Variants in LTBR observed in about 807,000 individuals in gnomAD.
LTBR encodes lymphotoxin beta receptor.
Under a neutral mutation model 45.4 loss-of-function variants are expected in LTBR, and 15 were observed. The observed-to-expected ratio is 0.33, with a 90% CI of 0.22 to 0.51. LTBR has a LOEUF of 0.51. Among genes scored for constraint, LTBR ranks in the 20% least tolerant of loss-of-function variants. The pLI is 0.97. For missense variants in LTBR, 450 were observed against 565.5 expected (o/e 0.80, Z 2.07); for synonymous variants, 228 against 231.0 (o/e 0.99, Z 0.12).
rs563848590 is a variant in LTBR at position 6,385,167 on chromosome 12, CGG to C, written c.319+26_319+27del. On this transcript the variant is annotated intron_variant, in intron 3 of 9. Transcript: ENST00000228918. ...ACCCAGGTGAGTGGGGATGTGCCTG[CGG>C]GGGGGCTGGATCCCCTGGAGCTTGG... The C allele has an allele frequency of 1.1e-4, 172 of 1,613,866 alleles. 1 individual carries two copies. In the East Asian group the frequency reaches 3.4e-3, roughly 32 times the overall value.
chr12:6,379,532 C>G (rs1475901655), upstream of LTBR, among the ~76,000 whole-genome samples: 1 of 152,214 alleles, frequency 6.6e-6, no homozygotes, highest in Non-Finnish European at 1.5e-5. Context: ...GACAACAGTC[C>G]TTTCAGCTGC....
Position 6,385,568 on chromosome 12 carries a change from G to T in LTBR, c.472+189G>T, listed in dbSNP as rs1048258694. 8.5e-6 allele frequency: 6 copies of T among 703,140 alleles called. No homozygotes were observed. The Admixed American group carries it at 1.8e-4, about 21-fold the overall frequency. The allele number at this position is 703,140 out of a possible 1,614,324, so 43.6% of individuals were successfully genotyped here. On this transcript the variant is annotated intron_variant, in intron 4 of 9. Coordinates refer to ENST00000228918, the MANE Select transcript of LTBR (RefSeq NM_002342.3). Reference sequence around the variant, plus strand: ...ACATGGAACTGGGACAGGTGCAGGGGACACAGGAGGTGGTTCTTCTCAGTA... The same window carrying T: ...ACATGGAACTGGGACAGGTGCAGGGTACACAGGAGGTGGTTCTTCTCAGTA...
chr12:6,386,746 G>T lies in LTBR; in HGVS notation c.667+302G>T, dbSNP rs767529549. ...TGGGCTTACCAACATTACACAATCC[G>T]TTTTTTTTTTTCACACAATCCATTA... On this transcript the variant is annotated intron_variant, in intron 6 of 9. Transcript: ENST00000228918. The surrounding 1 kb of genome is among the most constrained non-coding windows in gnomAD (Gnocchi z 4.1). 13 of 237,550 alleles carry T rather than the reference G, an allele frequency of 5.5e-5. No homozygotes were observed. Among genetic ancestry groups the T allele is most frequent in the South Asian group, 9.2e-5 (1 of 10,834 alleles). 14.7% of individuals were successfully genotyped at this position (237,550 alleles called of 1,614,324 possible).
chr12:6,380,314 C>G (rs1446768300), upstream of LTBR, among the ~76,000 whole-genome samples: 1 of 152,176 alleles, frequency 6.6e-6, no homozygotes, highest in Non-Finnish European at 1.5e-5. Context: ...GGGTGTTTGC[C>G]AGACCATTTC....
At chr12:6,382,993 C>A (rs1420258199), upstream of LTBR, among the ~76,000 whole-genome samples, 1 of 152,180 alleles carries the variant, frequency 6.6e-6, no homozygotes, top group African/African-American at 2.4e-5. Flanking sequence ...TCATTTATTC[C>A]ATAAATACCT....
At chr12:6,378,944 G>A (rs965275782) in intron 1 of LTBR, among the ~76,000 whole-genome samples, 1 of 152,054 alleles carries the variant, frequency 6.6e-6, no homozygotes, top group Non-Finnish European at 1.5e-5. Context: ...TGCAGGGAGA[G>A]AAGTGAAACC....
At chr12:6,390,076 C>G (rs1949093623) in intron 8 of LTBR, 36 bp from the exon 9 acceptor site, 2 of 1,410,132 alleles carry the variant, frequency 1.4e-6, no homozygotes, top group Admixed American at 1.7e-5. Context: ...GTCTGGGGCC[C>G]TCATCATTGT....
At chr12:6,375,940 G>A (rs1948900527) in intron 1 of LTBR, 4 of 1,084,468 alleles carry the variant, frequency 3.7e-6, no homozygotes, top group Non-Finnish European at 4.5e-6. Flanking sequence ...AGGGATGGAG[G>A]AGGGGCACTG....
intron 9 of LTBR, 32 bp from the exon 10 acceptor site, chr12:6,390,628 C>G: frequency 6.7e-7 from 1 of 1,497,144 alleles, no homozygotes; most frequent in African/African-American, 1.4e-5. Flanking sequence ...TGGGGGCCTT[C>G]CTTCCTCAAC....
At chr12:6,383,070 G>T (rs138953151), upstream of LTBR, among the ~76,000 whole-genome samples, 1 of 152,278 alleles carries the variant, frequency 6.6e-6, no homozygotes, top group Non-Finnish European at 1.5e-5. Flanking sequence ...ATTCAGCCTG[G>T]GCCATGGTGG....
At chr12:6,385,645 G>A (rs1192962524) in intron 4 of LTBR, 9 of 498,634 alleles carry the variant, frequency 1.8e-5, no homozygotes, top group South Asian at 1.4e-4. Flanking sequence ...GGTGGCCCAC[G>A]CCTGTAATCC....
intron 8 of LTBR, 129 bp from the exon 9 acceptor site, chr12:6,389,983 G>A: frequency 5.2e-6 from 2 of 385,522 alleles, no homozygotes; most frequent in South Asian, 4.0e-5. Context: ...GAGAGAGAAA[G>A]AGAGAGAGAG....
intron 2 of LTBR, 60 bp from the exon 3 acceptor site, chr12:6,384,962 C>T (rs1299804958): frequency 1.2e-6 from 2 of 1,605,228 alleles, no homozygotes; most frequent in Non-Finnish European, 1.7e-6. Flanking sequence ...ACACTACAGG[C>T]AGCGGAGGTG....
In LTBR at chr12:6,377,796, C is replaced by T. The variant is rs544407680; in HGVS notation, c.39+2202C>T. On this transcript the variant is annotated intron_variant, in intron 1 of 9. Transcript: ENST00000539925. The stretch of plus-strand genomic sequence containing the variant: ...CTGAAATCCAACCACTAGCTTAAGG[C>T]AGCATGGCAAATAGTTTTCATATCA... 7.5e-5 allele frequency: 41 copies of T among 548,488 alleles called. 1 individual carries two copies. Among genetic ancestry groups the T allele is most frequent in the South Asian group, 4.8e-4 (32 of 66,050 alleles). The allele number at this position is 548,488 out of a possible 1,614,324, so 34.0% of individuals were successfully genotyped here.
Position 6,386,292 on chromosome 12 carries a change from C to T in LTBR, c.570-55C>T, listed in dbSNP as rs537860450. 3.3e-5 allele frequency: 51 copies of T among 1,534,526 alleles called. No homozygotes were observed. Among genetic ancestry groups the T allele is most frequent in the East Asian group, 1.8e-4 (8 of 44,204 alleles). On this transcript the variant is annotated intron_variant, in intron 5 of 9. Transcript: ENST00000228918. This position sits in a 1 kb window ranked among gnomAD's most constrained non-coding sequence, Gnocchi z 4.1. ...AGCCTCCCCGCCTGCCCAGTGGAGT[C>T]GGGACACTGGTGGGCCAGGGCGTGA...
At chr12:6,382,761 TAGAC>T (rs1948996978), upstream of LTBR, among the ~76,000 whole-genome samples, 1 of 152,178 alleles carries the variant, frequency 6.6e-6, no homozygotes, top group Admixed American at 6.5e-5. Context: ...GACCTGAAGT[TAGAC>T]AGACCAGTGT....
chr12:6,385,922 AG>A, intron 4 of LTBR, 143 bp from the exon 5 acceptor site: 1 of 612,124 alleles, frequency 1.6e-6, no homozygotes, highest in African/African-American at 1.9e-5. Context: ...AAAAAAAAAA[AG>A]GCAGCAAAGC....
intron 1 of LTBR, among the ~76,000 whole-genome samples, chr12:6,376,592 A>G (rs1455190834): frequency 6.6e-6 from 1 of 152,224 alleles, no homozygotes; most frequent in African/African-American, 2.4e-5. Flanking sequence ...GATGGGCTAT[A>G]TTTTCTCCAA....
upstream of LTBR, among the ~76,000 whole-genome samples, chr12:6,383,754 G>A (rs1407867059): frequency 6.6e-6 from 1 of 152,200 alleles, no homozygotes; most frequent in Non-Finnish European, 1.5e-5. Flanking sequence ...CTGCCAGCCG[G>A]TTCTCCTCGG....
Sources: allele counts gnomAD v4.1 joint callset (sites outside exome capture counted in the v4.1 genomes callset), GRCh38; gene constraint gnomAD v4.1.1; non-coding constraint Gnocchi (gnomAD v3.1); transcripts MANE v1.5; gene names NCBI Gene and HGNC (gene_info 2026-07-23, HGNC 2026-07-21).